Variants in CTTN observed in about 807,000 individuals in gnomAD.
CTTN encodes the protein cortactin.
CTTN carries 28 observed loss-of-function variants against 84.0 expected under a neutral mutation model. The ratio of observed to expected loss-of-function variants is 0.33; its 90% CI spans 0.25 to 0.46. CTTN has a LOEUF of 0.46. CTTN is among the 20% of genes least tolerant of loss of function. The pLI is 1.00. For missense variants in CTTN, 641 were observed against 723.8 expected (o/e 0.89, Z 1.31); for synonymous variants, 301 against 288.8 (o/e 1.04, Z -0.43).
At chr11:70,409,787 G>A (rs757351186) in intron 4 of CTTN, 44 bp from the exon 5 acceptor site, 74 of 1,600,462 alleles carry the variant, frequency 4.6e-5, no homozygotes, top group Admixed American at 8.5e-5. Flanking sequence ...AAAGCTGCAC[G>A]TCTGTTTTAT....
chr11:70,410,278 C>T, intron 5 of CTTN: 1 of 257,250 alleles, frequency 3.9e-6, no homozygotes, highest in Non-Finnish European at 7.7e-6. Flanking sequence ...GGTGTCATCA[C>T]TGTCAATGCC....
At chr11:70,427,835 C>T (rs2058316074) in intron 13 of CTTN, among the ~76,000 whole-genome samples, 1 of 152,254 alleles carries the variant, frequency 6.6e-6, no homozygotes, top group Admixed American at 6.5e-5. Flanking sequence ...TGGAAATCAG[C>T]ATGTTCATGT....
rs1488415645 is a variant in CTTN, at chr11:70,435,971, C to G, written c.*809C>G. On this transcript the variant is annotated 3_prime_UTR_variant, in exon 18 of 18. Transcript: ENST00000301843. ...CGTCGGGCTTGGCTTTTCACAAAGG[C>G]TGATGTCTTAACTGTCACCCATATG... is the stretch of plus-strand genomic sequence containing the variant. The G allele has an allele frequency of 7.0e-6, 10 of 1,432,122 alleles. No homozygotes were observed. The highest frequency in any genetic ancestry group is 9.1e-6 in the Non-Finnish European group (10 of 1,100,370). 88.7% of individuals were successfully genotyped at this position (1,432,122 alleles called of 1,614,324 possible).
In CTTN at chr11:70,435,203, CACT is replaced by C; in HGVS notation, c.*44_*46del. Reference sequence around the variant, plus strand: ...CCCGGAGCTGCGCCCTGGATCCTCACACTACAGATCAGGCCTTCTTTGGTTCTT... The same window carrying C: ...CCCGGAGCTGCGCCCTGGATCCTCACACAGATCAGGCCTTCTTTGGTTCTT... On this transcript the variant is annotated 3_prime_UTR_variant, in exon 18 of 18. Coordinates refer to ENST00000301843, the MANE Select transcript of CTTN (RefSeq NM_005231.4). 1 of 1,530,370 alleles carries C rather than the reference CACT, an allele frequency of 6.5e-7. No homozygotes were observed. The highest frequency in any genetic ancestry group is 8.7e-7 in the Non-Finnish European group (1 of 1,146,892). The allele number at this position is 1,530,370 out of a possible 1,614,324, so 94.8% of individuals were successfully genotyped here.
intron 15 of CTTN, among the ~76,000 whole-genome samples, 194 bp from the exon 16 acceptor site, chr11:70,432,907 A>G (rs1466864764): frequency 2.0e-5 from 3 of 152,032 alleles, no homozygotes. Context: ...CGGGAAGGAA[A>G]TGGCATGTGG....
chr11:70,419,227 C>T (rs1013949611), intron 8 of CTTN, among the ~76,000 whole-genome samples: 1 of 151,578 alleles, frequency 6.6e-6, no homozygotes, highest in South Asian at 2.1e-4. Flanking sequence ...TCTTCTGCCT[C>T]AGCCTCCCGA....
rs200430381 is a variant in CTTN, at chr11:70,433,670, G to A, written c.1468G>A (p.Glu490Lys). Reference sequence around the variant, plus strand: ...AGAGGACAGCACCTACGATGAGTACGAGAACGATCTGGGGATCACAGCCGT... The same window carrying A: ...AGAGGACAGCACCTACGATGAGTACAAGAACGATCTGGGGATCACAGCCGT... ...PAEDSTYDEY[E>K]NDLGITAVAL... The change falls in exon 17 of 18, where the codon GAG becomes AAG. Residue 490 changes from glutamate (E) to lysine (K), a missense_variant. Physicochemically the swap from Glu to Lys is moderately conservative, Grantham distance 56. Coordinates refer to ENST00000301843, the MANE Select transcript of CTTN (RefSeq NM_005231.4). 1.8e-5 allele frequency: 29 copies of A among 1,613,572 alleles called. No individual in the cohort carries two copies. The highest frequency in any genetic ancestry group is 1.6e-4 in the Middle Eastern group (1 of 6,084).
At chr11:70,415,302 G>T (rs956995044) in intron 6 of CTTN, among the ~76,000 whole-genome samples, 3 of 152,242 alleles carry the variant, frequency 2.0e-5, no homozygotes, top group Admixed American at 6.5e-5. Flanking sequence ...ACCCCTGGTG[G>T]CCACTGCTAT....
intron 1 of CTTN, among the ~76,000 whole-genome samples, chr11:70,400,912 G>A (rs2057971087): frequency 6.6e-6 from 1 of 152,264 alleles, no homozygotes; most frequent in South Asian, 2.1e-4. Context: ...TAAGTGTGGT[G>A]TAGGGAGTGT....
At chr11:70,425,210 T>C (rs1289058350) in intron 12 of CTTN, 122 bp from the exon 13 acceptor site, 4 of 727,688 alleles carry the variant, frequency 5.5e-6, no homozygotes, top group Non-Finnish European at 9.6e-6. Flanking sequence ...AAGAGTGCTC[T>C]GGGCTGTGTG....
At chr11:70,431,730 G>GCC (rs2058355914) in intron 15 of CTTN, among the ~76,000 whole-genome samples, 1 of 152,064 alleles carries the variant, frequency 6.6e-6, no homozygotes, top group African/African-American at 2.4e-5. Context: ...CAGCCTTGCA[G>GCC]CCCCTCATGA....
Position 70,436,278 on chromosome 11 carries a change from G to T in CTTN, c.*1116G>T, listed in dbSNP as rs767085678. 1 of 1,597,980 alleles carries T rather than the reference G, an allele frequency of 6.3e-7. No individual in the cohort carries two copies. Among genetic ancestry groups the T allele is most frequent in the East Asian group, 2.2e-5 (1 of 44,876 alleles). On this transcript the variant is annotated 3_prime_UTR_variant, in exon 18 of 18. Transcript: ENST00000301843. The stretch of plus-strand genomic sequence containing the variant: ...CCTGGCATTTGTGGCCACTCACTTT[G>T]TAGGAAACTCATCTCCTTCCTGAGG...
chr11:70,421,742 G>C (rs1355438342), intron 11 of CTTN, 162 bp downstream of exon 11: 1 of 618,020 alleles, frequency 1.6e-6, no homozygotes, highest in Non-Finnish European at 2.9e-6. Context: ...TTCTAGTAGA[G>C]CGACACTGAT....
At chr11:70,409,991 T>TG (rs2058081189) in intron 5 of CTTN, 31 bp downstream of exon 5, 1 of 1,612,998 alleles carries the variant, frequency 6.2e-7, no homozygotes, top group Non-Finnish European at 8.5e-7. Context: ...TATGCCAGGC[T>TG]CCTGGTGTGC....
At chr11:70,432,064 A>G (rs2058359140) in intron 15 of CTTN, among the ~76,000 whole-genome samples, 1 of 152,112 alleles carries the variant, frequency 6.6e-6, no homozygotes, top group Admixed American at 6.6e-5. Flanking sequence ...GCCCAGAGAG[A>G]GCCCTGGAGA....
chr11:70,407,685 G>T (rs1187153417), intron 4 of CTTN, 94 bp downstream of exon 4: 3 of 1,123,356 alleles, frequency 2.7e-6, no homozygotes, highest in Non-Finnish European at 3.9e-6. Flanking sequence ...GGGACAGCCC[G>T]TGTGGAAACT....
intron 16 of CTTN, 100 bp downstream of exon 16, chr11:70,433,378 C>A: frequency 8.1e-7 from 1 of 1,239,298 alleles, no homozygotes; most frequent in Non-Finnish European, 1.1e-6. Flanking sequence ...GGGTTTCCCA[C>A]TGACACGCCT....
intron 14 of CTTN, among the ~76,000 whole-genome samples, chr11:70,429,695 A>G (rs2058334458): frequency 6.6e-6 from 1 of 152,052 alleles, no homozygotes; most frequent in African/African-American, 2.4e-5. Flanking sequence ...GGCTGTGGAG[A>G]AGCGCTCCCA....
intron 4 of CTTN, among the ~76,000 whole-genome samples, chr11:70,409,599 C>T (rs189556732): frequency 7.9e-5 from 12 of 152,306 alleles, no homozygotes; most frequent in African/African-American, 2.6e-4. Flanking sequence ...CCTTCAGATT[C>T]GTGTTCTGTC....
Sources: allele counts gnomAD v4.1 joint callset (sites outside exome capture counted in the v4.1 genomes callset), GRCh38; gene constraint gnomAD v4.1.1; transcripts MANE v1.5; gene names NCBI Gene and HGNC (gene_info 2026-07-23, HGNC 2026-07-21).